Variants in TRAPPC6B observed in about 807,000 individuals in gnomAD.
TRAPPC6B encodes trafficking protein particle complex subunit 6B, also known as TRAPP complex subunit 6B.
In TRAPPC6B, 27 loss-of-function variants were observed where a neutral mutation model predicts 24.7. That is an observed-to-expected ratio of 1.09 (90% CI 0.81 to 1.51). The LOEUF (loss-of-function observed/expected upper bound fraction) is 1.51, where lower values mean the gene tolerates loss of function less well. Ranked by LOEUF, TRAPPC6B falls within the 40% of genes most tolerant of loss-of-function variation. The probability of loss-of-function intolerance (pLI) is 0.00; values close to 1 mark genes in which losing one functional copy is unlikely to be tolerated. For synonymous variants in TRAPPC6B, 80 were observed against 66.6 expected (o/e 1.20, Z -0.98); for missense variants, 212 against 190.8 (o/e 1.11, Z -0.66).
At chr14:39,151,228 A>T (rs545247766) in intron 5 of TRAPPC6B, among the ~76,000 whole-genome samples, 2 of 151,996 alleles carry the variant, frequency 1.3e-5, no homozygotes, top group South Asian at 4.2e-4. Context: ...ATCTCTACTA[A>T]AAATACAAAA....
chr14:39,165,116 G>A (rs1324704244), intron 1 of TRAPPC6B, among the ~76,000 whole-genome samples: 3 of 151,376 alleles, frequency 2.0e-5, no homozygotes, highest in Admixed American at 2.0e-4. Flanking sequence ...CGTGATCTCG[G>A]CTCACTGCAA....
Position 39,158,333 on chromosome 14 carries a change from C to G in TRAPPC6B, c.219G>C (p.Trp73Cys). Reference sequence around the variant, plus strand: ...CGATTTGTTTCTTGAATACCGTAGTCCAAAAATCTTTACAAATGAACTTCA... The same window carrying G: ...CGATTTGTTTCTTGAATACCGTAGTGCAAAAATCTTTACAAATGAACTTCA... Reference protein sequence around the residue: ...DIMKFICKDFWTTVFKKQIDN... With the variant: ...DIMKFICKDFCTTVFKKQIDN... The change falls in exon 3 of 6, where the codon TGG becomes TGC. Residue 73 changes from tryptophan (W) to cysteine (C), a missense_variant. Trp to Cys is a radical substitution (Grantham distance 215, BLOSUM62 -2). Transcript: ENST00000330149. The G allele has an allele frequency of 1.9e-6, 3 of 1,603,702 alleles. No homozygotes were observed. The highest frequency in any genetic ancestry group is 2.5e-6 in the Non-Finnish European group (3 of 1,177,728).
chr14:39,154,195 C>G lies in TRAPPC6B; in HGVS notation c.351+16G>C, dbSNP rs768917297. On this transcript the variant is annotated intron_variant, in intron 4 of 5. Transcript: ENST00000330149. ...CTACTATTAACAAAAACCCCAACTT[C>G]TATTCCATTAAATACCTTAGATGCA... 65 of 1,555,396 alleles carry G rather than the reference C, an allele frequency of 4.2e-5. No homozygotes were observed. The South Asian group carries it at 7.3e-4, about 17-fold the overall frequency.
In TRAPPC6B at chr14:39,154,281, A is replaced by G; in HGVS notation, c.281T>C (p.Leu94Pro). Reference sequence around the variant, plus strand: ...AAGCAGGCGAAATTTGTTGTCCTGAAGTACATAGATGCCCTGTTCCAAAAA... The same window carrying G: ...AAGCAGGCGAAATTTGTTGTCCTGAGGTACATAGATGCCCTGTTCCAAAAA... ...LRTNHQGIYV[L>P]QDNKFRLLTQ... The change falls in exon 4 of 6, where the codon CTT becomes CCT. Residue 94 changes from leucine to proline, a missense_variant. Leu to Pro is a moderately conservative substitution (Grantham distance 98, BLOSUM62 -3). Coordinates refer to ENST00000330149, the MANE Select transcript of TRAPPC6B (RefSeq NM_001079537.2). 6.2e-7 allele frequency: 1 copy of G among 1,612,166 alleles called. No individual in the cohort carries two copies. Among genetic ancestry groups the G allele is most frequent in the Non-Finnish European group, 8.5e-7 (1 of 1,178,566 alleles).
Position 39,151,377 on chromosome 14 carries a change from G to A in TRAPPC6B, c.445+369C>T, listed in dbSNP as rs369039533. On this transcript the variant is annotated intron_variant, in intron 5 of 5. Transcript: ENST00000330149. ...TGCACTCCAGCCTGGGCAACAGAGC[G>A]AGACTCCGTCTCAAAAAAAAAAAAA... 8.7e-4 allele frequency among the ~76,000 whole-genome samples: 104 copies of A among 119,022 alleles called. 1 individual carries two copies. Among genetic ancestry groups the A allele is most frequent in the African/African-American group, 3.2e-3 (94 of 28,982 alleles). The allele number at this position is 119,022 out of a possible 152,430, so 78.1% of individuals were successfully genotyped here.
Position 39,154,198 on chromosome 14 carries a change from T to G in TRAPPC6B, c.351+13A>C. On this transcript the variant is annotated intron_variant, in intron 4 of 5. Coordinates refer to ENST00000330149, the MANE Select transcript of TRAPPC6B (RefSeq NM_001079537.2). ...CTATTAACAAAAACCCCAACTTCTA[T>G]TCCATTAAATACCTTAGATGCATGT... The G allele has an allele frequency of 6.4e-7, 1 of 1,571,432 alleles. No individual in the cohort carries two copies. The highest frequency in any genetic ancestry group is 2.2e-5 in the East Asian group (1 of 44,634).
chr14:39,160,110 G>A (rs929440681), intron 1 of TRAPPC6B, among the ~76,000 whole-genome samples: 13 of 152,038 alleles, frequency 8.6e-5, no homozygotes, highest in Non-Finnish European at 1.6e-4. Flanking sequence ...TTACAGGCGT[G>A]AGCCACCGCG....
intron 2 of TRAPPC6B, 93 bp downstream of exon 2, chr14:39,159,390 T>G: frequency 1.1e-6 from 1 of 876,838 alleles, no homozygotes. Flanking sequence ...GGAATTAAAA[T>G]TAAAATATCC....
At chr14:39,150,648 C>T (rs534302894) in intron 5 of TRAPPC6B, among the ~76,000 whole-genome samples, 1 of 152,236 alleles carries the variant, frequency 6.6e-6, no homozygotes, top group Non-Finnish European at 1.5e-5. Flanking sequence ...AAGTGATTCT[C>T]CTGCCTCAGC....
chr14:39,164,699 T>C (rs62000580), intron 1 of TRAPPC6B, among the ~76,000 whole-genome samples: 20,115 of 151,912 alleles, frequency 0.13, 1,384 homozygotes, highest in Middle Eastern at 0.17. Flanking sequence ...TAGGTGAACA[T>C]GGTGGCATGC....
In TRAPPC6B at chr14:39,170,068, G is replaced by A. The variant is rs1447804956; in HGVS notation, c.28C>T (p.Leu10Phe). 5.0e-6 allele frequency: 8 copies of A among 1,613,980 alleles called. No homozygotes were observed. Among genetic ancestry groups the A allele is most frequent in the East Asian group, 2.2e-5 (1 of 44,880 alleles). Reference protein sequence around the residue: MADEALFLLLHNEMVSGVYK... With the variant: MADEALFLLFHNEMVSGVYK... ...ACTCCAGACACCATCTCGTTATGGAGAAGCAAAAACAACGCCTCATCCGCC... is the reference window on the plus strand; with the variant it reads ...ACTCCAGACACCATCTCGTTATGGAAAAGCAAAAACAACGCCTCATCCGCC... Residue 10 changes from leucine to phenylalanine, a missense_variant, in exon 1 of 6, where the codon CTC becomes TTC. Leu to Phe is a conservative substitution (Grantham distance 22). Transcript: ENST00000330149.
intron 3 of TRAPPC6B, among the ~76,000 whole-genome samples, chr14:39,154,551 CTG>C (rs1206548391): frequency 1.3e-5 from 2 of 152,104 alleles, no homozygotes; most frequent in African/African-American, 4.8e-5. Flanking sequence ...TCCCAAGTAG[CTG>C]GGACTACAGG....
chr14:39,155,048 C>G (rs1052346028), intron 3 of TRAPPC6B, among the ~76,000 whole-genome samples: 2 of 152,058 alleles, frequency 1.3e-5, no homozygotes, highest in East Asian at 1.9e-4. Context: ...CTTGCCTCAG[C>G]CTTCCGAGTA....
chr14:39,166,685 T>A lies in TRAPPC6B; in HGVS notation c.81+3330A>T, dbSNP rs542966971. The stretch of plus-strand genomic sequence containing the variant: ...TGATAATCAGACATTATTCTGGAAG[T>A]CACAGATTTGTAACTTCCCCAATTA... On this transcript the variant is annotated intron_variant, in intron 1 of 5. Transcript: ENST00000330149. 3.9e-5 allele frequency among the ~76,000 whole-genome samples: 6 copies of A among 152,334 alleles called. No homozygotes were observed. In the South Asian group the frequency reaches 8.3e-4, roughly 21 times the overall value.
chr14:39,151,619 G>A (rs2052914939), intron 5 of TRAPPC6B, 127 bp downstream of exon 5: 1 of 666,956 alleles, frequency 1.5e-6, no homozygotes, highest in Non-Finnish European at 2.5e-6. Context: ...CTACACTAAA[G>A]TGTTACATTG....
At position 39,170,122 on chromosome 14, in the gene TRAPPC6B, G is replaced by A; in HGVS notation, c.-27C>T. ...TCCTGCTAATTCTTCCAAGCTTCGA[G>A]TTTTGGCTCCCGTTTGAGCTGGTCT... On this transcript the variant is annotated 5_prime_UTR_variant, in exon 1 of 6. Transcript: ENST00000330149. 6.2e-7 allele frequency: 1 copy of A among 1,613,290 alleles called. No homozygotes were observed. Among genetic ancestry groups the A allele is most frequent in the Non-Finnish European group, 8.5e-7 (1 of 1,179,324 alleles).
chr14:39,161,630 G>A (rs2053059937), intron 1 of TRAPPC6B, among the ~76,000 whole-genome samples: 1 of 152,126 alleles, frequency 6.6e-6, no homozygotes, highest in South Asian at 2.1e-4. Context: ...TCCGTGTCTG[G>A]CGAGCCAACT....
At chr14:39,163,397 G>C (rs2053078789) in intron 1 of TRAPPC6B, among the ~76,000 whole-genome samples, 2 of 147,764 alleles carry the variant, frequency 1.4e-5, no homozygotes, top group African/African-American at 5.2e-5. Context: ...AAAAAGACCA[G>C]CAACATCAGC....
In TRAPPC6B at chr14:39,148,971, A is replaced by G. The variant is rs1417609272; in HGVS notation, c.*1379T>C. On this transcript the variant is annotated 3_prime_UTR_variant, in exon 6 of 6. Coordinates refer to ENST00000330149, the MANE Select transcript of TRAPPC6B (RefSeq NM_001079537.2). ...CTGTAACACAATGGTAAGTACTTGC[A>G]TATCTAAACATAAAGAAGGTACAGT... 5.2e-6 allele frequency: 2 copies of G among 384,494 alleles called. No individual in the cohort carries two copies. The highest frequency in any genetic ancestry group is 3.7e-5 in the East Asian group (1 of 27,116). 23.8% of individuals were successfully genotyped at this position (384,494 alleles called of 1,614,324 possible). A position where few individuals can be genotyped will look rare whatever the true frequency, so the allele number is the denominator to read the frequency against.
Sources: gnomAD v4.1 joint callset for allele counts (sites outside exome capture counted in the v4.1 genomes callset) on GRCh38, gnomAD v4.1.1 for gene constraint, MANE v1.5 for transcripts, NCBI Gene and HGNC (gene_info 2026-07-23, HGNC 2026-07-21) for gene names.